Variants in SHISA9 observed in about 807,000 individuals in gnomAD.
SHISA9 encodes the protein protein shisa-9.
In SHISA9, 13 loss-of-function variants were observed where a neutral mutation model predicts 38.0. The ratio of observed to expected loss-of-function variants is 0.34; its 90% CI spans 0.22 to 0.54. SHISA9 has a LOEUF of 0.54. SHISA9 is among the 20% of genes least tolerant of loss of function. The pLI is 0.91. For synonymous variants in SHISA9, 275 were observed against 242.0 expected (o/e 1.14, Z -1.27); for missense variants, 538 against 575.8 (o/e 0.93, Z 0.67).
At chr16:13,025,620 C>T (rs2072911043) in intron 2 of SHISA9, among the ~76,000 whole-genome samples, 1 of 152,210 alleles carries the variant, frequency 6.6e-6, no homozygotes. Flanking sequence ...CAACACACAG[C>T]CCCATTCCTA....
intron 2 of SHISA9, among the ~76,000 whole-genome samples, chr16:13,161,014 A>G (rs1462291960): frequency 6.6e-6 from 1 of 152,184 alleles, no homozygotes; most frequent in Non-Finnish European, 1.5e-5. Flanking sequence ...TTAGGTTGGC[A>G]TTTGAACCAA....
chr16:12,980,503 C>T (rs981740353), intron 2 of SHISA9, among the ~76,000 whole-genome samples: 12 of 151,750 alleles, frequency 7.9e-5, no homozygotes, highest in African/African-American at 2.9e-4. Context: ...GCTCTTTCTC[C>T]ATGGGTGCTT....
chr16:12,990,827 T>C (rs77147978), intron 2 of SHISA9, among the ~76,000 whole-genome samples: 7,084 of 152,294 alleles, frequency 0.047, 532 homozygotes, highest in African/African-American at 0.16. Flanking sequence ...ACCATCATGA[T>C]GAACATCTCT....
the SHISA9 span, among the ~76,000 whole-genome samples, chr16:13,366,982 CAA>C: frequency 8.2e-3 from 756 of 92,472 alleles, 8 homozygotes; most frequent in African/African-American, 0.026. Context: ...GGCTCCATCT[CAA>C]AAAAAAAAAA....
chr16:13,015,862 CTTTCTT>C (rs1304904302), intron 2 of SHISA9, among the ~76,000 whole-genome samples: 5 of 44,540 alleles, frequency 1.1e-4, no homozygotes, highest in African/African-American at 1.7e-4. Flanking sequence ...CCCTTTCTTT[CTTTCTT>C]TCTTTCTTTC....
chr16:13,483,617 C>T, the SHISA9 span, among the ~76,000 whole-genome samples: 1 of 151,988 alleles, frequency 6.6e-6, no homozygotes. Flanking sequence ...TTCCCCAGCC[C>T]TCCTCTCCCT....
intron 2 of SHISA9, among the ~76,000 whole-genome samples, chr16:12,985,011 C>G (rs922276437): frequency 1.3e-5 from 2 of 152,164 alleles, no homozygotes; most frequent in African/African-American, 4.8e-5. Context: ...TAGTTCCCTT[C>G]CCTGTCCTGC....
intron 2 of SHISA9, among the ~76,000 whole-genome samples, chr16:13,098,760 G>C (rs1201832416): frequency 6.6e-6 from 1 of 152,196 alleles, no homozygotes; most frequent in Non-Finnish European, 1.5e-5. Flanking sequence ...TCAGAGTTGA[G>C]TCAGATGAAA....
the SHISA9 span, among the ~76,000 whole-genome samples, chr16:13,345,285 T>C: frequency 1.3e-5 from 2 of 152,098 alleles, no homozygotes; most frequent in African/African-American, 4.8e-5. Context: ...AAGGCCCAAG[T>C]GTGTGCTTTT....
At chr16:13,197,434 C>T (rs2050957765) in intron 2 of SHISA9, among the ~76,000 whole-genome samples, 1 of 152,144 alleles carries the variant, frequency 6.6e-6, no homozygotes, top group Admixed American at 6.5e-5. Flanking sequence ...TTAAGTGGCT[C>T]TGAGTTGCAT....
chr16:13,102,491 A>G (rs1226899432), intron 2 of SHISA9, among the ~76,000 whole-genome samples: 1 of 152,142 alleles, frequency 6.6e-6, no homozygotes, highest in Non-Finnish European at 1.5e-5. Context: ...GCTATTCTGG[A>G]ACACTGAGAG....
the SHISA9 span, among the ~76,000 whole-genome samples, chr16:13,375,947 C>A: frequency 0.038 from 5,691 of 151,738 alleles, 199 homozygotes; most frequent in East Asian, 0.2. Context: ...TTTCAAGTAG[C>A]AAAATACAAG....
At chr16:12,920,314 GTA>G (rs985498391) in intron 2 of SHISA9, among the ~76,000 whole-genome samples, 2 of 151,308 alleles carry the variant, frequency 1.3e-5, no homozygotes, top group Non-Finnish European at 2.9e-5. Flanking sequence ...AGAACTTAAA[GTA>G]TATATATATA....
chr16:13,144,667 A>T (rs536406794), intron 2 of SHISA9, among the ~76,000 whole-genome samples: 2 of 152,312 alleles, frequency 1.3e-5, no homozygotes, highest in African/African-American at 4.8e-5. Context: ...GTCTTTGCTA[A>T]ACAATAGAAA....
intron 2 of SHISA9, among the ~76,000 whole-genome samples, chr16:13,020,828 T>C (rs1034028481): frequency 1.3e-5 from 2 of 152,260 alleles, no homozygotes; most frequent in Non-Finnish European, 2.9e-5. Context: ...AATTGTCATG[T>C]ATTCAGGGTG....
At chr16:13,100,813 T>G (rs974369592) in intron 2 of SHISA9, among the ~76,000 whole-genome samples, 1 of 152,200 alleles carries the variant, frequency 6.6e-6, no homozygotes, top group Admixed American at 6.5e-5. Context: ...GTTCAAGGGA[T>G]TCTCCTGCCT....
chr16:13,205,916 T>G (rs1392285099), intron 3 of SHISA9, among the ~76,000 whole-genome samples: 1 of 149,818 alleles, frequency 6.7e-6, no homozygotes, highest in Non-Finnish European at 1.5e-5. Flanking sequence ...CATGCACCAC[T>G]ATGCCTGGCT....
the SHISA9 span, among the ~76,000 whole-genome samples, chr16:13,414,576 T>C: frequency 1.2e-4 from 18 of 152,062 alleles, no homozygotes; most frequent in Middle Eastern, 3.4e-3. Context: ...GAAGCGGACA[T>C]GTAGGGGCTC....
chr16:13,406,566 G>T, the SHISA9 span, among the ~76,000 whole-genome samples: 12 of 152,270 alleles, frequency 7.9e-5, no homozygotes, highest in South Asian at 1.2e-3. Flanking sequence ...TTCTTCAAGA[G>T]CACTTGACTA....
Sources: gnomAD v4.1 joint callset for allele counts (sites outside exome capture counted in the v4.1 genomes callset) on GRCh38, gnomAD v4.1.1 for gene constraint, MANE v1.5 for transcripts, NCBI Gene and HGNC (gene_info 2026-07-23, HGNC 2026-07-21) for gene names.